RELN: variants seen among roughly 807,000 people sequenced by gnomAD.
The protein encoded by RELN is reelin.
In RELN, 108 loss-of-function variants were observed where a neutral mutation model predicts 427.6. The observed-to-expected ratio is 0.25, with a 90% CI of 0.22 to 0.30. The LOEUF (loss-of-function observed/expected upper bound fraction) is 0.30. Ranked by LOEUF, RELN falls within the 10% of genes least tolerant of loss-of-function variation. The pLI, the probability that RELN is intolerant of heterozygous loss-of-function variation, is 1.00. For missense variants in RELN, 3,715 were observed against 4,302.8 expected, an observed-to-expected ratio of 0.86 and a Z score of 3.82; for synonymous variants, 1,524 against 1,513.4, an observed-to-expected ratio of 1.01 and a Z score of -0.16.
At chr7:103,622,087 A>C (rs1435627167) in intron 20 of RELN, among the ~76,000 whole-genome samples, 1 of 152,202 alleles carries the variant, frequency 6.6e-6, no homozygotes, top group African/African-American at 2.4e-5. Context: ...AAGAAGCACA[A>C]ATCTAAACCA....
intron 2 of RELN, among the ~76,000 whole-genome samples, chr7:103,903,859 T>TA (rs956443368): frequency 6.6e-6 from 1 of 151,940 alleles, no homozygotes; most frequent in African/African-American, 2.4e-5. Flanking sequence ...TGTTTTTTTT[T>TA]AAGTTCCGGG....
chr7:103,850,076 G>C (rs888448221), intron 2 of RELN, among the ~76,000 whole-genome samples: 3 of 152,170 alleles, frequency 2.0e-5, no homozygotes, highest in African/African-American at 7.2e-5. Flanking sequence ...GCATTACAGA[G>C]GGTTTTATCT....
intron 10 of RELN, among the ~76,000 whole-genome samples, chr7:103,685,721 G>A (rs1454577695): frequency 6.6e-6 from 1 of 152,080 alleles, no homozygotes; most frequent in Non-Finnish European, 1.5e-5. Context: ...AGTCCCTTAA[G>A]TATGGCTCTT....
At chr7:103,855,948 G>C (rs1793934251) in intron 2 of RELN, among the ~76,000 whole-genome samples, 1 of 152,094 alleles carries the variant, frequency 6.6e-6, no homozygotes, top group Non-Finnish European at 1.5e-5. Context: ...CTAGGGGTCA[G>C]GACTTCAACA....
chr7:103,811,108 G>A (rs1402324500), intron 3 of RELN, among the ~76,000 whole-genome samples: 1 of 152,078 alleles, frequency 6.6e-6, no homozygotes, highest in Non-Finnish European at 1.5e-5. Context: ...TTTAAAAATA[G>A]TTATTATTGA....
chr7:103,760,494 A>C (rs1791272741), intron 4 of RELN, among the ~76,000 whole-genome samples: 1 of 152,102 alleles, frequency 6.6e-6, no homozygotes, highest in South Asian at 2.1e-4. Context: ...GCACTAATAC[A>C]CTTCAGCCAA....
chr7:103,729,693 C>T (rs1319909139), intron 6 of RELN, among the ~76,000 whole-genome samples: 4 of 152,050 alleles, frequency 2.6e-5, no homozygotes, highest in African/African-American at 9.7e-5. Flanking sequence ...TCATTTATGG[C>T]ATGTTCCTTT....
intron 2 of RELN, among the ~76,000 whole-genome samples, chr7:103,906,758 A>G (rs1795215241): frequency 6.6e-6 from 1 of 152,212 alleles, no homozygotes; most frequent in South Asian, 2.1e-4. Flanking sequence ...GGGTAAAAAC[A>G]TGATACAGTG....
chr7:103,500,699 G>A, intron 53 of RELN, 46 bp downstream of exon 53: 1 of 1,591,748 alleles, frequency 6.3e-7, no homozygotes, highest in Non-Finnish European at 8.6e-7. Flanking sequence ...TCCTAGGCAT[G>A]ACCCATGATG....
rs201170753 is a variant in RELN at position 103,728,230 on chromosome 7, C to A, written c.657-23G>T. On this transcript the variant is annotated intron_variant, in intron 6 of 64. Transcript: ENST00000428762. ...ACCCTGCAGGAAAACAGAACACAGT[C>A]CCCGTCTGAGAACTAAGTAGCACAC... 4.3e-6 allele frequency: 7 copies of A among 1,611,026 alleles called. No homozygotes were observed. The East Asian group carries it at 1.1e-4, about 26-fold the overall frequency.
At position 103,723,122 on chromosome 7, in the gene RELN, C is replaced by T. The variant is rs998302773; in HGVS notation, c.805+18G>A. ...ACATTTCCAAATTAAATCGTTATAACTGCTAAAAAACACTTACCAATGGAA... is the reference window on the plus strand; with the variant it reads ...ACATTTCCAAATTAAATCGTTATAATTGCTAAAAAACACTTACCAATGGAA... On this transcript the variant is annotated intron_variant, in intron 8 of 64. Transcript: ENST00000428762. The T allele has an allele frequency of 2.6e-6, 4 of 1,534,028 alleles. No homozygotes were observed. Among genetic ancestry groups the T allele is most frequent in the East Asian group, 2.3e-5 (1 of 44,444 alleles).
chr7:103,754,454 A>G (rs1472114526), intron 4 of RELN, among the ~76,000 whole-genome samples: 1 of 151,852 alleles, frequency 6.6e-6, no homozygotes, highest in Non-Finnish European at 1.5e-5. Flanking sequence ...CAAAAGGAAG[A>G]CCGAGTCACT....
intron 10 of RELN, among the ~76,000 whole-genome samples, chr7:103,696,707 C>T (rs1479231809): frequency 3.9e-5 from 6 of 152,060 alleles, no homozygotes; most frequent in Non-Finnish European, 7.4e-5. Context: ...TAATTCTGGC[C>T]AATATGATCT....
At chr7:103,677,687 A>G (rs1833566593) in intron 11 of RELN, among the ~76,000 whole-genome samples, 1 of 143,402 alleles carries the variant, frequency 7.0e-6, no homozygotes, top group Non-Finnish European at 1.5e-5. Context: ...AATCACTGAA[A>G]CCCAGGAGGC....
At chr7:103,772,399 A>G (rs1791592257) in intron 4 of RELN, among the ~76,000 whole-genome samples, 1 of 152,226 alleles carries the variant, frequency 6.6e-6, no homozygotes, top group East Asian at 1.9e-4. Flanking sequence ...TTCAAAGTGT[A>G]GATAATAATG....
rs915259430 is a variant in RELN at position 103,988,757 on chromosome 7, G to A, written c.226+374C>T. On this transcript the variant is annotated intron_variant, in intron 1 of 64. Transcript: ENST00000428762. The surrounding 1 kb of genome is among the most constrained non-coding windows in gnomAD (Gnocchi z 4.9). Reference sequence around the variant, plus strand: ...GGGGACCCATCTGGGGGGACCGGGAGCAGGACAAAGGTCTGAAATCCAAGT... The same window carrying A: ...GGGGACCCATCTGGGGGGACCGGGAACAGGACAAAGGTCTGAAATCCAAGT... Among the ~76,000 whole-genome samples, 1 of 152,214 alleles carries A rather than the reference G, an allele frequency of 6.6e-6. No homozygotes were observed. The highest frequency in any genetic ancestry group is 2.4e-5 in the African/African-American group (1 of 41,448).
intron 3 of RELN, among the ~76,000 whole-genome samples, chr7:103,801,726 TAA>T (rs34093844): frequency 1.4e-5 from 2 of 144,788 alleles, no homozygotes; most frequent in Admixed American, 1.4e-4. Context: ...ACTTAAAGTA[TAA>T]AAAAAAAAAA....
rs554698919 is a variant in RELN at position 103,487,420 on chromosome 7, A to G, written c.9764-1004T>C. On this transcript the variant is annotated intron_variant, in intron 60 of 64. Coordinates refer to ENST00000428762, the MANE Select transcript of RELN (RefSeq NM_005045.4). Reference sequence around the variant, plus strand: ...AAAGTAGAAAAAAAAAAAGAGAAATATAACAAAATCCAGGAAAAAAAATGA... The same window carrying G: ...AAAGTAGAAAAAAAAAAAGAGAAATGTAACAAAATCCAGGAAAAAAAATGA... Among the ~76,000 whole-genome samples the G allele has an allele frequency of 1.3e-5, 2 of 150,184 alleles. 1 individual carries two copies. The highest frequency in any genetic ancestry group is 3.0e-5 in the Non-Finnish European group (2 of 67,720).
chr7:103,611,331 G>A (rs1831949521), intron 21 of RELN, among the ~76,000 whole-genome samples: 1 of 152,124 alleles, frequency 6.6e-6, no homozygotes, highest in Non-Finnish European at 1.5e-5. Flanking sequence ...AAGAGGGATA[G>A]AGAAAATAAT....
Sources: gnomAD v4.1 joint callset for allele counts (sites outside exome capture counted in the v4.1 genomes callset) on GRCh38, gnomAD v4.1.1 for gene constraint, Gnocchi (gnomAD v3.1) non-coding constraint, MANE v1.5 for transcripts, NCBI Gene and HGNC (gene_info 2026-07-23, HGNC 2026-07-21) for gene names.